GUCY2D: variants seen among roughly 807,000 people sequenced by gnomAD.
GUCY2D encodes retinal guanylyl cyclase 1.
Under a neutral mutation model 101.3 loss-of-function variants are expected in GUCY2D, and 70 were observed. That is an observed-to-expected ratio of 0.69 (90% CI 0.57 to 0.84). The LOEUF (loss-of-function observed/expected upper bound fraction) is 0.84, where lower values mean the gene tolerates loss of function less well. Among genes scored for constraint, GUCY2D ranks in the 40% least tolerant of loss-of-function variants. The pLI is 0.00. For missense variants in GUCY2D, 1,460 were observed against 1,542.5 expected, an observed-to-expected ratio of 0.95 and a Z score of 0.90; for synonymous variants, 688 against 670.7, an observed-to-expected ratio of 1.03 and a Z score of -0.40.
rs773563136 is a variant in GUCY2D, at chr17:8,006,390, G to C, written c.1054G>C (p.Asp352His). ...QVSPLFGTIY[D>H]AVFLLARGVA... is the part of the protein sequence containing the mutation. ...CTCCCCACTCTTTGGCACCATCTAT[G>C]ACGCGGTCTTCTTGCTGGCAAGGGG... is the stretch of plus-strand genomic sequence containing the variant. Residue 352 changes from aspartate to histidine, a missense_variant, in exon 4 of 20, where the codon GAC becomes CAC. Physicochemically the swap from Asp to His is moderately conservative, Grantham distance 81 (BLOSUM62 -1). Coordinates refer to ENST00000254854, the MANE Select transcript of GUCY2D (RefSeq NM_000180.4). 6.2e-7 allele frequency: 1 copy of C among 1,601,016 alleles called. No homozygotes were observed. Among genetic ancestry groups the C allele is most frequent in the Non-Finnish European group, 8.5e-7 (1 of 1,179,954 alleles).
rs1975917100 is a variant in GUCY2D at position 8,014,262 on chromosome 17, T to C, written c.2412+234T>C. ...TGGGTGGGAGGAATATTCAATTCAA[T>C]TCAAATAACACTGATTGAGAACCAA... On this transcript the variant is annotated intron_variant, in intron 12 of 19. Coordinates refer to ENST00000254854, the MANE Select transcript of GUCY2D (RefSeq NM_000180.4). This position sits in a 1 kb window ranked among gnomAD's most constrained non-coding sequence, Gnocchi z 4.0. 1.6e-6 allele frequency: 1 copy of C among 611,446 alleles called. No homozygotes were observed. The allele number at this position is 611,446 out of a possible 1,614,324, so 37.9% of individuals were successfully genotyped here.
chr17:8,013,270 G>A lies in GUCY2D; in HGVS notation c.2263+18G>A, dbSNP rs547968529. On this transcript the variant is annotated intron_variant, in intron 11 of 19. Transcript: ENST00000254854. The surrounding 1 kb of genome is among the most constrained non-coding windows in gnomAD (Gnocchi z 5.0). ...TCCCGAGGGTAAGGCTGCCCTGTGCGTGGAGTTCGGCCCACAGGGGCACCC... is the reference window on the plus strand; with the variant it reads ...TCCCGAGGGTAAGGCTGCCCTGTGCATGGAGTTCGGCCCACAGGGGCACCC... The A allele has an allele frequency of 6.9e-5, 112 of 1,613,238 alleles. No individual in the cohort carries two copies. The highest frequency in any genetic ancestry group is 2.2e-4 in the Admixed American group (13 of 59,964).
At chr17:8,015,175 C>T (rs916312384) in intron 14 of GUCY2D, 124 bp downstream of exon 14, 6 of 1,066,962 alleles carry the variant, frequency 5.6e-6, no homozygotes, top group Non-Finnish European at 8.4e-6. Context: ...GACCTCCTGT[C>T]CCTTATTTAT....
Position 8,014,830 on chromosome 17 carries a change from C to T in GUCY2D, c.2577-29C>T, listed in dbSNP as rs180796231. On this transcript the variant is annotated intron_variant, in intron 13 of 19. Coordinates refer to ENST00000254854, the MANE Select transcript of GUCY2D (RefSeq NM_000180.4). This position sits in a 1 kb window ranked among gnomAD's most constrained non-coding sequence, Gnocchi z 4.0. Reference sequence around the variant, plus strand: ...GAGCCCAGCCAGGTAGAGTGGCCCCCAGGTGACCTCACTGCCTGCCATCCC... The same window carrying T: ...GAGCCCAGCCAGGTAGAGTGGCCCCTAGGTGACCTCACTGCCTGCCATCCC... 300 of 1,613,788 alleles carry T rather than the reference C, an allele frequency of 1.9e-4. No individual in the cohort carries two copies. The highest frequency in any genetic ancestry group is 2.1e-4 in the Non-Finnish European group (249 of 1,179,796).
At chr17:8,005,466 C>T (rs1014758942) in intron 3 of GUCY2D, among the ~76,000 whole-genome samples, 1 of 152,204 alleles carries the variant, frequency 6.6e-6, no homozygotes, top group East Asian at 1.9e-4. Context: ...CTCCCATGAA[C>T]TTCAGCCAGA....
chr17:8,006,665 C>A lies in GUCY2D; in HGVS notation c.1329C>A (p.Pro443=). The A allele has an allele frequency of 1.2e-6, 2 of 1,612,132 alleles. No individual in the cohort carries two copies. The highest frequency in any genetic ancestry group is 8.5e-7 in the Non-Finnish European group (1 of 1,179,182). ...ACTTCCCGCGTGGGGGATCAGCACCCGGACCTGACCCCTCGTGCTGGTTCG... is the reference window on the plus strand; with the variant it reads ...ACTTCCCGCGTGGGGGATCAGCACCAGGACCTGACCCCTCGTGCTGGTTCG... ...RMHFPRGGSA[P]GPDPSCWFDP... Residue 443 remains proline, a synonymous_variant, in exon 4 of 20, where the codon CCC becomes CCA. Coordinates refer to ENST00000254854, the MANE Select transcript of GUCY2D (RefSeq NM_000180.4).
chr17:8,010,625 T>C (rs915799491), intron 8 of GUCY2D, among the ~76,000 whole-genome samples: 14 of 151,328 alleles, frequency 9.3e-5, no homozygotes, highest in East Asian at 2.0e-4. Flanking sequence ...GCTAACACGG[T>C]GAAACCCCGT....
In GUCY2D at chr17:8,014,127, C is replaced by T. The variant is rs1598150235; in HGVS notation, c.2412+99C>T. The T allele has an allele frequency of 3.5e-6, 4 of 1,130,472 alleles. No homozygotes were observed. The South Asian group carries it at 3.7e-5, about 10-fold the overall frequency. The allele number at this position is 1,130,472 out of a possible 1,614,324, so 70.0% of individuals were successfully genotyped here. On this transcript the variant is annotated intron_variant, in intron 12 of 19. Transcript: ENST00000254854. This position sits in a 1 kb window ranked among gnomAD's most constrained non-coding sequence, Gnocchi z 4.0. Reference sequence around the variant, plus strand: ...CTGCAGACAGGCAGGCTGGCAGGACCTCTGGCCTTCCAGGCTACCTCCTAA... The same window carrying T: ...CTGCAGACAGGCAGGCTGGCAGGACTTCTGGCCTTCCAGGCTACCTCCTAA...
chr17:8,015,928 T>G lies in GUCY2D; in HGVS notation c.3045T>G (p.Pro1015=). 6.2e-7 allele frequency: 1 copy of G among 1,610,924 alleles called. No homozygotes were observed. The highest frequency in any genetic ancestry group is 8.5e-7 in the Non-Finnish European group (1 of 1,178,808). The change falls in exon 17 of 20, where the codon CCT becomes CCG. Residue 1015 remains proline, a splice_region_variant and synonymous_variant. Transcript: ENST00000254854. The part of the protein sequence containing the change: ...TASRMESTGL[P]YRIHVNLSTV... ...TCACGGCGTCCCCCACCGCCACAGC[T>G]TACCGCATCCACGTGAACTTGAGCA...
intron 3 of GUCY2D, among the ~76,000 whole-genome samples, chr17:8,005,889 GTTTT>G (rs1003249705): frequency 2.0e-5 from 3 of 152,058 alleles, no homozygotes; most frequent in African/African-American, 4.8e-5. Context: ...TTTTTGTTTA[GTTTT>G]TTTGTTTGTT....
intron 3 of GUCY2D, among the ~76,000 whole-genome samples, chr17:8,004,733 C>A (rs1180687127): frequency 2.0e-5 from 3 of 152,168 alleles, no homozygotes; most frequent in Non-Finnish European, 2.9e-5. Context: ...AACTTTACTC[C>A]CGCCACAAAG....
In GUCY2D at chr17:8,013,792, C is replaced by T; in HGVS notation, c.2264-88C>T. On this transcript the variant is annotated intron_variant, in intron 11 of 19. Coordinates refer to ENST00000254854, the MANE Select transcript of GUCY2D (RefSeq NM_000180.4). The surrounding 1 kb of genome is among the most constrained non-coding windows in gnomAD (Gnocchi z 5.0). ...AACCCCTGCCAGGCACCCCCTCCCACATCTTGGTCTTCAACAGTCAGGCCA... is the reference window on the plus strand; with the variant it reads ...AACCCCTGCCAGGCACCCCCTCCCATATCTTGGTCTTCAACAGTCAGGCCA... The T allele has an allele frequency of 9.2e-7, 1 of 1,091,546 alleles. No individual in the cohort carries two copies. The highest frequency in any genetic ancestry group is 2.4e-5 in the East Asian group (1 of 42,392). The allele number at this position is 1,091,546 out of a possible 1,614,324, so 67.6% of individuals were successfully genotyped here. A position where few individuals can be genotyped will look rare whatever the true frequency, so the allele number is the denominator to read the frequency against.
intron 19 of GUCY2D, 118 bp downstream of exon 19, chr17:8,016,672 A>G (rs1015494711): frequency 9.8e-6 from 6 of 614,212 alleles, no homozygotes; most frequent in Admixed American, 2.9e-5. Flanking sequence ...GCTGGTTCCT[A>G]AACCCCGGGG....
At chr17:8,007,348 T>C in intron 5 of GUCY2D, 78 bp from the exon 6 acceptor site, 1 of 1,057,962 alleles carries the variant, frequency 9.5e-7, no homozygotes, top group South Asian at 1.2e-5. Context: ...GCCAACGTTA[T>C]CCCTCCCCCG....
At position 8,016,457 on chromosome 17, in the gene GUCY2D, G is replaced by A. The variant is rs865916918; in HGVS notation, c.3239G>A (p.Gly1080Asp). 5 of 1,570,348 alleles carry A rather than the reference G, an allele frequency of 3.2e-6. No individual in the cohort carries two copies. Among genetic ancestry groups the A allele is most frequent in the South Asian group, 1.2e-5 (1 of 85,762 alleles). ...PDLQPGSSNHGISLQEIPPER... is the reference protein window; with the variant it reads ...PDLQPGSSNHDISLQEIPPER... The stretch of plus-strand genomic sequence containing the variant: ...CCTCCTTGCAGGTCCAGCAACCACG[G>A]CATCAGCCTGCAGGAGATCCCACCC... Residue 1080 changes from glycine (G) to aspartate (D), a missense_variant, in exon 19 of 20, where the codon GGC becomes GAC. This residue lies in a region of GUCY2D where 215 missense variants were observed against 227.9 expected (regional missense o/e 0.94). Transcript: ENST00000254854.
intron 19 of GUCY2D, among the ~76,000 whole-genome samples, chr17:8,019,914 TTACAC>T (rs1382798016): frequency 6.6e-6 from 1 of 152,082 alleles, no homozygotes; most frequent in Non-Finnish European, 1.5e-5. Flanking sequence ...TCAGATGTGT[TTACAC>T]TACCTCTGCC....
Position 8,014,437 on chromosome 17 carries a change from A to G in GUCY2D, c.2413-164A>G. 1.4e-6 allele frequency: 1 copy of G among 718,640 alleles called. No homozygotes were observed. Among genetic ancestry groups the G allele is most frequent in the Admixed American group, 2.0e-5 (1 of 49,998 alleles). The allele number at this position is 718,640 out of a possible 1,614,324, so 44.5% of individuals were successfully genotyped here. ...GTGCCTCCTAATCGTGTCTGAAAAC[A>G]CAGTGCCCAGCACCCCGGGGTGCTT... On this transcript the variant is annotated intron_variant, in intron 12 of 19. Transcript: ENST00000254854. The surrounding 1 kb of genome is among the most constrained non-coding windows in gnomAD (Gnocchi z 4.0).
At position 8,015,426 on chromosome 17, in the gene GUCY2D, C is replaced by T; in HGVS notation, c.2868C>T (p.Ile956=). 6.2e-7 allele frequency: 1 copy of T among 1,613,606 alleles called. No homozygotes were observed. Residue 956 remains isoleucine (I), a synonymous_variant, in exon 15 of 20, where the codon ATC becomes ATT. Transcript: ENST00000254854. ...AGATCGCCAACATGTCACTGGACATCCTCAGTGCCGTGGGCACTTTCCGCA... is the reference window on the plus strand; with the variant it reads ...AGATCGCCAACATGTCACTGGACATTCTCAGTGCCGTGGGCACTTTCCGCA... ...AAEIANMSLD[I]LSAVGTFRMR...
At position 8,014,851 on chromosome 17, in the gene GUCY2D, AT is replaced by A. The variant is rs1472489446; in HGVS notation, c.2577-7del. The A allele has an allele frequency of 6.2e-7, 1 of 1,613,964 alleles. No homozygotes were observed. The highest frequency in any genetic ancestry group is 8.5e-7 in the Non-Finnish European group (1 of 1,179,992). Reference sequence around the variant, plus strand: ...CCCCCAGGTGACCTCACTGCCTGCCATCCCTAGGTCTGTGGCTGAGGCCTTG... The same window carrying A: ...CCCCCAGGTGACCTCACTGCCTGCCACCCTAGGTCTGTGGCTGAGGCCTTG... On this transcript the variant is annotated splice_region_variant and splice_polypyrimidine_tract_variant and intron_variant, in intron 13 of 19. Coordinates refer to ENST00000254854, the MANE Select transcript of GUCY2D (RefSeq NM_000180.4). This position sits in a 1 kb window ranked among gnomAD's most constrained non-coding sequence, Gnocchi z 4.0.
Sources: gnomAD v4.1 joint callset for allele counts (sites outside exome capture counted in the v4.1 genomes callset) on GRCh38, gnomAD v4.1.1 for gene constraint, gnomAD v4.1.1 regional missense constraint, Gnocchi (gnomAD v3.1) non-coding constraint, MANE v1.5 for transcripts, NCBI Gene and HGNC (gene_info 2026-07-23, HGNC 2026-07-21) for gene names.